The following ANKS1B variants were observed in gnomAD, a reference collection of about 807,000 sequenced individuals.
ANKS1B encodes the protein ankyrin repeat and sterile alpha motif domain-containing protein 1B.
ANKS1B carries 36 observed loss-of-function variants against 148.3 expected under a neutral mutation model. That is an observed-to-expected ratio of 0.24 (90% CI 0.19 to 0.32). The LOEUF (loss-of-function observed/expected upper bound fraction) is 0.32. Ranked by LOEUF, ANKS1B falls within the 10% of genes least tolerant of loss-of-function variation. The pLI, the probability that ANKS1B is intolerant of heterozygous loss-of-function variation, is 1.00. For missense variants in ANKS1B, 1,157 were observed against 1,542.6 expected, an observed-to-expected ratio of 0.75 and a Z score of 4.19; for synonymous variants, 542 against 560.8, an observed-to-expected ratio of 0.97 and a Z score of 0.47.
At chr12:99,893,272 G>A (rs536172385) in intron 1 of ANKS1B, among the ~76,000 whole-genome samples, 14 of 152,158 alleles carry the variant, frequency 9.2e-5, no homozygotes, top group Admixed American at 5.9e-4. Context: ...TTAGCCGGGT[G>A]TGGTGGCGGG....
At chr12:98,761,866 G>T (rs1200491432) in intron 25 of ANKS1B, among the ~76,000 whole-genome samples, 2 of 152,212 alleles carry the variant, frequency 1.3e-5, no homozygotes, top group Admixed American at 6.5e-5. Context: ...CCTGACCCAG[G>T]CTGGGAGGCT....
intron 25 of ANKS1B, among the ~76,000 whole-genome samples, chr12:98,757,878 A>G (rs755890513): frequency 7.2e-5 from 11 of 151,998 alleles, no homozygotes; most frequent in African/African-American, 1.2e-4. Flanking sequence ...GGTCTGGAGT[A>G]TTGTCTACCT....
intron 17 of ANKS1B, among the ~76,000 whole-genome samples, chr12:98,957,864 A>G (rs1169795361): frequency 1.3e-5 from 2 of 152,200 alleles, no homozygotes; most frequent in African/African-American, 4.8e-5. Flanking sequence ...GAAAGATGGC[A>G]GAGTGACTGC....
At chr12:98,974,682 A>G (rs2099889508) in intron 17 of ANKS1B, among the ~76,000 whole-genome samples, 1 of 152,166 alleles carries the variant, frequency 6.6e-6, no homozygotes, top group Non-Finnish European at 1.5e-5. Flanking sequence ...AGAGGGCTGC[A>G]TGAGATGAGT....
intron 9 of ANKS1B, among the ~76,000 whole-genome samples, chr12:99,614,460 A>AGGAGG (rs1196136050): frequency 6.8e-3 from 377 of 55,718 alleles, no homozygotes; most frequent in African/African-American, 0.024. Flanking sequence ...GGAAGGGAAG[A>AGGAGG]GGAGGGGAGG....
At chr12:99,889,162 A>C (rs1170520544) in intron 1 of ANKS1B, among the ~76,000 whole-genome samples, 1 of 152,218 alleles carries the variant, frequency 6.6e-6, no homozygotes, top group African/African-American at 2.4e-5. Flanking sequence ...TTATGGAGGA[A>C]GCACTATTAC....
intron 10 of ANKS1B, among the ~76,000 whole-genome samples, chr12:99,472,617 C>T (rs7133770): frequency 0.24 from 36,470 of 151,818 alleles, 4,998 homozygotes; most frequent in African/African-American, 0.38. Context: ...CCTTTGATTA[C>T]CTTATAGCTA....
At chr12:99,813,624 G>A (rs545807852) in intron 2 of ANKS1B, among the ~76,000 whole-genome samples, 9 of 151,462 alleles carry the variant, frequency 5.9e-5, no homozygotes, top group Non-Finnish European at 1.2e-4. Flanking sequence ...AAAACATACT[G>A]TCCAGAATGT....
At chr12:99,345,221 A>T (rs995671539) in intron 12 of ANKS1B, among the ~76,000 whole-genome samples, 2 of 152,078 alleles carry the variant, frequency 1.3e-5, no homozygotes, top group African/African-American at 4.8e-5. Context: ...CCAATCACTC[A>T]GTAAAGGAGT....
chr12:99,914,409 A>C (rs1357825631), intron 1 of ANKS1B, among the ~76,000 whole-genome samples: 3 of 152,208 alleles, frequency 2.0e-5, no homozygotes, highest in African/African-American at 7.2e-5. Context: ...TACTTGAAAG[A>C]CATGTGGTAA....
chr12:98,791,570 G>A (rs1249867681), intron 22 of ANKS1B, among the ~76,000 whole-genome samples: 1 of 151,832 alleles, frequency 6.6e-6, no homozygotes, highest in Non-Finnish European at 1.5e-5. Context: ...TTTTAAAGAT[G>A]GGATCTGGCT....
intron 17 of ANKS1B, among the ~76,000 whole-genome samples, chr12:98,949,100 G>A (rs183271071): frequency 2.6e-5 from 4 of 151,636 alleles, no homozygotes; most frequent in Admixed American, 6.6e-5. Context: ...CTACAGGCAC[G>A]TGCCAACACA....
At chr12:99,823,269 A>C (rs1284054466) in intron 2 of ANKS1B, among the ~76,000 whole-genome samples, 1 of 152,080 alleles carries the variant, frequency 6.6e-6, no homozygotes, top group Non-Finnish European at 1.5e-5. Flanking sequence ...CTTGCTGTGC[A>C]GAAGTGCTTT....
chr12:99,111,840 T>C (rs886979694), intron 15 of ANKS1B, among the ~76,000 whole-genome samples: 3 of 152,130 alleles, frequency 2.0e-5, no homozygotes, highest in Non-Finnish European at 4.4e-5. Context: ...TATGATCTCA[T>C]ATGCCTTGTG....
chr12:99,643,823 A>G (rs183547122), intron 9 of ANKS1B, among the ~76,000 whole-genome samples: 63 of 152,242 alleles, frequency 4.1e-4, no homozygotes, highest in Admixed American at 3.7e-3. Flanking sequence ...GATCTGCTCA[A>G]TCTCTTCAAA....
chr12:99,842,558 AT>A (rs2085917735), intron 1 of ANKS1B, among the ~76,000 whole-genome samples: 1 of 152,154 alleles, frequency 6.6e-6, no homozygotes, highest in African/African-American at 2.4e-5. Context: ...CCTGGTCACC[AT>A]GGCCTGTCTT....
At chr12:99,470,019 T>A (rs1047359795) in intron 10 of ANKS1B, among the ~76,000 whole-genome samples, 1 of 151,862 alleles carries the variant, frequency 6.6e-6, no homozygotes, top group Non-Finnish European at 1.5e-5. Flanking sequence ...CTCAGGAGAC[T>A]GAGGCAGGAG....
At chr12:99,549,039 T>C (rs11109915) in intron 9 of ANKS1B, among the ~76,000 whole-genome samples, 3,349 of 152,236 alleles carry the variant, frequency 0.022, 113 homozygotes, top group South Asian at 0.066. Context: ...TGGGGGTGAC[T>C]AGCAATTTAC....
intron 1 of ANKS1B, among the ~76,000 whole-genome samples, chr12:99,978,921 T>C (rs1485355333): frequency 3.3e-5 from 5 of 152,108 alleles, no homozygotes; most frequent in Non-Finnish European, 7.4e-5. Flanking sequence ...ATTAAGAAAA[T>C]CAAATAAATT....
Sources: gnomAD v4.1 joint callset for allele counts (sites outside exome capture counted in the v4.1 genomes callset) on GRCh38, gnomAD v4.1.1 for gene constraint, MANE v1.5 for transcripts, NCBI Gene and HGNC (gene_info 2026-07-23, HGNC 2026-07-21) for gene names.